NPAS3: variants seen among roughly 807,000 people sequenced by gnomAD.
The protein encoded by NPAS3 is neuronal PAS domain protein 3.
In NPAS3, 14 loss-of-function variants were observed where a neutral mutation model predicts 73.1. That is an observed-to-expected ratio of 0.19 (90% confidence interval 0.13 to 0.30). The LOEUF (loss-of-function observed/expected upper bound fraction) is 0.30. Ranked by LOEUF, NPAS3 falls within the 10% of genes least tolerant of loss-of-function variation. NPAS3 has a pLI of 1.00. For missense variants in NPAS3, 1,096 were observed against 1,250.0 expected, an observed-to-expected ratio of 0.88 and a Z score of 1.86; for synonymous variants, 620 against 541.5, an observed-to-expected ratio of 1.14 and a Z score of -2.01.
At position 33,303,946 on chromosome 14, in the gene NPAS3, T is replaced by C. The variant is rs146906762; in HGVS notation, c.386-63240T>C. 5.5e-3 allele frequency among the ~76,000 whole-genome samples: 835 copies of C among 152,294 alleles called. 8 individuals carry two copies. The highest frequency in any genetic ancestry group is 0.019 in the African/African-American group (803 of 41,556). ...GTTTTGAGACGGAGTCTCGCTCTGT[T>C]GCCCAGGCTGGAGTGCAGTGGCACC... is the stretch of plus-strand genomic sequence containing the variant. On this transcript the variant is annotated intron_variant, in intron 3 of 11. Coordinates refer to ENST00000356141, the Ensembl canonical transcript of NPAS3.
chr14:33,780,833 A>G, intron 9 of NPAS3: 1 of 273,924 alleles, frequency 3.7e-6, no homozygotes, highest in Middle Eastern at 4.2e-4. Context: ...TTTTTCTGGT[A>G]TCTTGCCAAC....
At chr14:33,321,223 A>G (rs971821814) in intron 3 of NPAS3, among the ~76,000 whole-genome samples, 4 of 152,150 alleles carry the variant, frequency 2.6e-5, no homozygotes, top group African/African-American at 9.6e-5. Flanking sequence ...CATTCTGCTT[A>G]ATTAGTTCAA....
intron 5 of NPAS3, among the ~76,000 whole-genome samples, chr14:33,580,523 C>G (rs1040522580): frequency 1.3e-5 from 2 of 152,070 alleles, no homozygotes; most frequent in African/African-American, 4.8e-5. Context: ...CTTTTGCAAC[C>G]CGTGTACCCA....
intron 1 of NPAS3, among the ~76,000 whole-genome samples, chr14:33,040,737 T>C (rs998939183): frequency 2.6e-5 from 4 of 152,228 alleles, no homozygotes; most frequent in African/African-American, 9.6e-5. Flanking sequence ...TACCTAAGTC[T>C]TCTAACCTGT....
intron 4 of NPAS3, among the ~76,000 whole-genome samples, chr14:33,436,213 G>A (rs1406617334): frequency 1.3e-5 from 2 of 152,114 alleles, no homozygotes; most frequent in African/African-American, 2.4e-5. Flanking sequence ...TAAGTTTACC[G>A]TCATGCCAGC....
intron 2 of NPAS3, among the ~76,000 whole-genome samples, chr14:33,171,176 C>G (rs955426459): frequency 2.0e-5 from 3 of 152,196 alleles, no homozygotes; most frequent in Non-Finnish European, 2.9e-5. Context: ...AGTGCATTGT[C>G]AACGAGCAAT....
intron 6 of NPAS3, among the ~76,000 whole-genome samples, chr14:33,698,094 G>A (rs1340715003): frequency 6.6e-6 from 1 of 152,092 alleles, no homozygotes; most frequent in Non-Finnish European, 1.5e-5. Flanking sequence ...CCACAGTGAA[G>A]AGCTCACATG....
chr14:33,214,902 A>G lies in NPAS3; in HGVS notation c.141-280A>G, dbSNP rs568837428. ...AACCTTCTGTTAGGTCTTAGAAACA[A>G]TAAATACACCTCAATGCATGGACAA... On this transcript the variant is annotated intron_variant, in intron 2 of 11. Coordinates refer to ENST00000356141, the Ensembl canonical transcript of NPAS3. The G allele has an allele frequency of 1.4e-4, 58 of 418,658 alleles. No homozygotes were observed. In the South Asian group the frequency reaches 1.5e-3, roughly 11 times the overall value. The allele number at this position is 418,658 out of a possible 1,614,324, so 25.9% of individuals were successfully genotyped here. A position where few individuals can be genotyped will look rare whatever the true frequency, so the allele number is the denominator to read the frequency against.
chr14:33,563,537 C>CACACACACACACACAGAG lies in NPAS3; in HGVS notation c.558+3328_558+3329insCACACACACACACAGAGA. Among the ~76,000 whole-genome samples the CACACACACACACACAGAG allele has an allele frequency of 4.0e-3, 475 of 119,690 alleles. 7 individuals carry two copies. The highest frequency in any genetic ancestry group is 0.017 in the African/African-American group (448 of 26,764). The allele number at this position is 119,690 out of a possible 152,430, so 78.5% of individuals were successfully genotyped here. A position where few individuals can be genotyped will look rare whatever the true frequency, so the allele number is the denominator to read the frequency against. On this transcript the variant is annotated intron_variant, in intron 5 of 11. Coordinates refer to ENST00000356141, the Ensembl canonical transcript of NPAS3. ...ATACATACACACACACACACACACA[C>CACACACACACACACAGAG]AGAGAGAGAGAGAGAGAGAGAGAGA...
At chr14:33,167,796 G>C (rs1261235391) in intron 2 of NPAS3, among the ~76,000 whole-genome samples, 1 of 152,150 alleles carries the variant, frequency 6.6e-6, no homozygotes, top group Non-Finnish European at 1.5e-5. Flanking sequence ...CCAACTTCCA[G>C]ACATGGTTAT....
At chr14:33,064,400 T>C (rs1566521001) in intron 2 of NPAS3, among the ~76,000 whole-genome samples, 1 of 152,204 alleles carries the variant, frequency 6.6e-6, no homozygotes, top group East Asian at 1.9e-4. Context: ...TCATAACTTT[T>C]ATTTCCATAT....
chr14:33,320,446 A>T (rs867639784), intron 3 of NPAS3, among the ~76,000 whole-genome samples: 4 of 152,154 alleles, frequency 2.6e-5, no homozygotes, highest in Non-Finnish European at 4.4e-5. Context: ...AATAAAAAAA[A>T]TTTTTAAAAA....
At chr14:33,683,189 A>T (rs574036174) in intron 6 of NPAS3, among the ~76,000 whole-genome samples, 1 of 152,174 alleles carries the variant, frequency 6.6e-6, no homozygotes, top group African/African-American at 2.4e-5. Context: ...CAGGCCTCTT[A>T]TCAAAATATA....
At chr14:33,073,971 T>A (rs1009301342) in intron 2 of NPAS3, among the ~76,000 whole-genome samples, 5 of 152,218 alleles carry the variant, frequency 3.3e-5, no homozygotes, top group Admixed American at 1.3e-4. Flanking sequence ...GGTAGAGGCA[T>A]CATGTCATCT....
At chr14:33,565,990 A>C (rs1241454179) in intron 5 of NPAS3, among the ~76,000 whole-genome samples, 2 of 152,144 alleles carry the variant, frequency 1.3e-5, no homozygotes, top group East Asian at 3.9e-4. Flanking sequence ...CTGTACACTA[A>C]TCATGAAAAG....
chr14:33,498,162 G>A (rs1595032893), intron 4 of NPAS3, among the ~76,000 whole-genome samples: 2 of 152,258 alleles, frequency 1.3e-5, no homozygotes, highest in South Asian at 2.1e-4. Flanking sequence ...CCACCATTTA[G>A]AATGGTGATC....
intron 2 of NPAS3, among the ~76,000 whole-genome samples, chr14:33,067,689 C>G (rs974815345): frequency 6.6e-6 from 1 of 152,142 alleles, no homozygotes; most frequent in African/African-American, 2.4e-5. Flanking sequence ...TTAAGTGATT[C>G]CAAGTATTTC....
chr14:33,079,443 C>A (rs556265105), intron 2 of NPAS3, among the ~76,000 whole-genome samples: 4 of 149,678 alleles, frequency 2.7e-5, no homozygotes, highest in African/African-American at 9.9e-5. Context: ...CTCAGCCTCC[C>A]GAGTAGCTGG....
At chr14:33,540,811 G>A (rs1361860562) in intron 4 of NPAS3, among the ~76,000 whole-genome samples, 1 of 152,174 alleles carries the variant, frequency 6.6e-6, no homozygotes, top group Non-Finnish European at 1.5e-5. Flanking sequence ...AAAGTAAAAT[G>A]ATGAGACTGT....
Sources: gnomAD v4.1 joint callset for allele counts (sites outside exome capture counted in the v4.1 genomes callset) on GRCh38, gnomAD v4.1.1 for gene constraint, MANE v1.5 for transcripts, NCBI Gene and HGNC (gene_info 2026-07-23, HGNC 2026-07-21) for gene names.